The following NOVA1 variants were observed in gnomAD, a reference collection of about 807,000 sequenced individuals.
NOVA1 encodes the protein RNA-binding protein Nova-1.
NOVA1 carries 7 observed loss-of-function variants against 38.0 expected under a neutral mutation model. That is an observed-to-expected ratio of 0.18 (90% CI 0.10 to 0.35). The LOEUF (loss-of-function observed/expected upper bound fraction) is 0.35, where lower values mean the gene tolerates loss of function less well. Among genes scored for constraint, NOVA1 ranks in the 10% least tolerant of loss-of-function variants. The pLI is 1.00. For missense variants in NOVA1, 460 were observed against 616.0 expected, an observed-to-expected ratio of 0.75 and a Z score of 2.68; for synonymous variants, 270 against 232.5, an observed-to-expected ratio of 1.16 and a Z score of -1.47.
At chr14:26,596,581 C>G (rs1057302311) in intron 1 of NOVA1, 4 of 1,288,960 alleles carry the variant, frequency 3.1e-6, no homozygotes, top group Middle Eastern at 2.1e-4. Flanking sequence ...ACCTCTGCTT[C>G]GATGCATTGG....
chr14:26,591,451 T>C (rs1893836888), intron 2 of NOVA1, among the ~76,000 whole-genome samples: 1 of 151,718 alleles, frequency 6.6e-6, no homozygotes, highest in African/African-American at 2.4e-5. Flanking sequence ...TTGTTACAGT[T>C]CTATTTATCA....
intron 2 of NOVA1, among the ~76,000 whole-genome samples, chr14:26,515,318 C>T (rs1566495121): frequency 6.6e-6 from 1 of 151,814 alleles, no homozygotes; most frequent in Non-Finnish European, 1.5e-5. Context: ...AAAAAATTAC[C>T]TAAGTTTAAA....
intron 2 of NOVA1, among the ~76,000 whole-genome samples, chr14:26,507,723 T>C (rs1043238931): frequency 2.0e-5 from 3 of 152,108 alleles, no homozygotes; most frequent in Non-Finnish European, 4.4e-5. Context: ...TTTTCCACCT[T>C]ACTATAGCCA....
At chr14:26,581,427 G>C (rs779777375) in intron 2 of NOVA1, among the ~76,000 whole-genome samples, 5 of 151,546 alleles carry the variant, frequency 3.3e-5, no homozygotes, top group Non-Finnish European at 7.4e-5. Context: ...AATCTTACAG[G>C]GCCAAATGAA....
intron 2 of NOVA1, among the ~76,000 whole-genome samples, chr14:26,567,611 A>C (rs949807482): frequency 6.6e-6 from 1 of 152,046 alleles, no homozygotes; most frequent in Non-Finnish European, 1.5e-5. Context: ...ACTTGATTTA[A>C]ATAGTTTGAC....
At chr14:26,469,347 T>C (rs1003291206) in intron 4 of NOVA1, among the ~76,000 whole-genome samples, 2 of 152,104 alleles carry the variant, frequency 1.3e-5, no homozygotes. Flanking sequence ...TATTTTAGAG[T>C]TGAAAAAACA....
chr14:26,509,229 T>A (rs1332338549), intron 2 of NOVA1, among the ~76,000 whole-genome samples: 1 of 152,142 alleles, frequency 6.6e-6, no homozygotes. Flanking sequence ...TTAATGTGTG[T>A]GAGTTTAATG....
chr14:26,536,766 A>T (rs188756801), intron 2 of NOVA1, among the ~76,000 whole-genome samples: 4 of 152,130 alleles, frequency 2.6e-5, no homozygotes, highest in Admixed American at 2.6e-4. Context: ...CTATGTAAAA[A>T]TTTTTTAATT....
At chr14:26,500,104 C>A (rs867452681) in intron 2 of NOVA1, among the ~76,000 whole-genome samples, 21 of 152,154 alleles carry the variant, frequency 1.4e-4, no homozygotes, top group Non-Finnish European at 2.8e-4. Flanking sequence ...AGAAGTGTTA[C>A]CTGGTTTCCA....
At chr14:26,531,142 C>T (rs1204922637) in intron 2 of NOVA1, among the ~76,000 whole-genome samples, 1 of 152,106 alleles carries the variant, frequency 6.6e-6, no homozygotes, top group Non-Finnish European at 1.5e-5. Flanking sequence ...TTAACTTCAG[C>T]AGAAAAAAAT....
At chr14:26,464,128 G>C (rs547081438) in intron 4 of NOVA1, among the ~76,000 whole-genome samples, 17 of 152,242 alleles carry the variant, frequency 1.1e-4, no homozygotes, top group African/African-American at 3.9e-4. Flanking sequence ...CAAATCCCTA[G>C]ATCACACTTT....
chr14:26,459,749 C>CT (rs1883498086), intron 4 of NOVA1, among the ~76,000 whole-genome samples: 1 of 151,966 alleles, frequency 6.6e-6, no homozygotes, highest in African/African-American at 2.4e-5. Context: ...GATTAATACT[C>CT]TATGACATAA....
At chr14:26,489,592 C>T (rs549181079) in intron 2 of NOVA1, among the ~76,000 whole-genome samples, 10 of 152,036 alleles carry the variant, frequency 6.6e-5, no homozygotes, top group African/African-American at 2.2e-4. Flanking sequence ...AATTTAAAAA[C>T]TGTACATATA....
At chr14:26,478,262 A>C (rs1400049333) in intron 3 of NOVA1, among the ~76,000 whole-genome samples, 1 of 151,984 alleles carries the variant, frequency 6.6e-6, no homozygotes, top group African/African-American at 2.4e-5. Context: ...ACAATGATTC[A>C]TAGACCATTA....
intron 2 of NOVA1, among the ~76,000 whole-genome samples, chr14:26,525,333 C>T (rs965806122): frequency 1.3e-5 from 2 of 152,096 alleles, no homozygotes; most frequent in African/African-American, 4.8e-5. Context: ...GCCAACTTTT[C>T]CTCCACTTTC....
intron 2 of NOVA1, chr14:26,594,164 T>G (rs1470165070): frequency 6.6e-6 from 1 of 151,970 alleles, no homozygotes; most frequent in Non-Finnish European, 1.5e-5. Flanking sequence ...GAAACAAACT[T>G]TAGAGGAACA....
intron 2 of NOVA1, among the ~76,000 whole-genome samples, chr14:26,500,696 T>G (rs1367139417): frequency 6.6e-6 from 1 of 151,986 alleles, no homozygotes; most frequent in Non-Finnish European, 1.5e-5. Flanking sequence ...ACTTATCACT[T>G]CAAGAAAATT....
At chr14:26,449,032 T>A in intron 4 of NOVA1, 69 bp from the exon 5 acceptor site, 1 of 1,376,554 alleles carries the variant, frequency 7.3e-7, no homozygotes, top group South Asian at 1.6e-5. Context: ...TACTTTGCTA[T>A]CCTAGAAAAG....
chr14:26,546,308 A>G (rs1956806), intron 2 of NOVA1, among the ~76,000 whole-genome samples: 3,225 of 152,206 alleles, frequency 0.021, 58 homozygotes, highest in South Asian at 0.051. Context: ...TTGAAAAATC[A>G]TCTCCCTATT....
Sources: gnomAD v4.1 joint callset for allele counts (sites outside exome capture counted in the v4.1 genomes callset) on GRCh38, gnomAD v4.1.1 for gene constraint, MANE v1.5 for transcripts, NCBI Gene and HGNC (gene_info 2026-07-23, HGNC 2026-07-21) for gene names.